The following ABHD18 variants were observed in gnomAD, a reference collection of about 807,000 sequenced individuals.
The protein encoded by ABHD18 is abhydrolase domain containing 18.
ABHD18 carries 55 observed loss-of-function variants against 65.9 expected under a neutral mutation model. The ratio of observed to expected loss-of-function variants is 0.84; its 90% confidence interval spans 0.67 to 1.05. ABHD18 has a LOEUF of 1.05. Ranked by LOEUF, ABHD18 falls within the 50% of genes least tolerant of loss-of-function variation. The pLI, the probability that ABHD18 is intolerant of heterozygous loss-of-function variation, is 0.00. For missense variants in ABHD18, 533 were observed against 558.5 expected (o/e 0.95, Z 0.46); for synonymous variants, 181 against 180.2 (o/e 1.00, Z -0.04).
intron 3 of ABHD18, among the ~76,000 whole-genome samples, chr4:127,985,826 AC>A (rs1166719632): frequency 2.0e-5 from 3 of 151,924 alleles, no homozygotes; most frequent in Admixed American, 6.6e-5. Flanking sequence ...ACATGGTGAA[AC>A]CCCATCTCTA....
intron 12 of ABHD18, 55 bp from the exon 13 acceptor site, chr4:128,035,707 T>C (rs978605317): frequency 2.8e-6 from 3 of 1,053,486 alleles, no homozygotes; most frequent in Non-Finnish European, 4.2e-6. Flanking sequence ...AAAGGCATTG[T>C]TTGTCCCCCC....
chr4:127,982,439 T>A (rs376196984), intron 1 of ABHD18, among the ~76,000 whole-genome samples: 17 of 152,184 alleles, frequency 1.1e-4, no homozygotes, highest in East Asian at 3.8e-4. Flanking sequence ...TGTTGAGCTG[T>A]GTACCTGGGA....
chr4:127,973,138 C>G (rs1042056974), intron 1 of ABHD18, among the ~76,000 whole-genome samples: 21 of 151,962 alleles, frequency 1.4e-4, no homozygotes, highest in African/African-American at 5.1e-4. Flanking sequence ...CTCAGCCTCC[C>G]GAGTAGGTGG....
chr4:128,013,560 T>C (rs1754942791), intron 7 of ABHD18, among the ~76,000 whole-genome samples: 1 of 152,008 alleles, frequency 6.6e-6, no homozygotes, highest in South Asian at 2.1e-4. Context: ...AATCCGGGCG[T>C]GGTGGTGGGC....
At chr4:127,999,681 A>G (rs865944052) in intron 4 of ABHD18, among the ~76,000 whole-genome samples, 3 of 152,042 alleles carry the variant, frequency 2.0e-5, no homozygotes, top group African/African-American at 7.2e-5. Flanking sequence ...TAGATTCCGG[A>G]TATTAGACCT....
intron 4 of ABHD18, among the ~76,000 whole-genome samples, chr4:128,003,182 T>A (rs1199525863): frequency 6.6e-6 from 1 of 151,352 alleles, no homozygotes; most frequent in East Asian, 2.0e-4. Flanking sequence ...GCCTGGCCAA[T>A]ATGGTGAAAC....
chr4:128,011,787 C>T, intron 7 of ABHD18, 87 bp downstream of exon 7: 2 of 781,478 alleles, frequency 2.6e-6, no homozygotes, highest in Non-Finnish European at 1.9e-6. Context: ...TTAACCATTT[C>T]TAAATTGAAT....
At position 127,965,489 on chromosome 4, in the gene ABHD18, A is replaced by G. The variant is rs1489684790; in HGVS notation, c.-135A>G. The G allele has an allele frequency of 1.0e-5, 4 of 395,914 alleles. No individual in the cohort carries two copies. The highest frequency in any genetic ancestry group is 7.7e-5 in the Admixed American group (2 of 25,902). The allele number at this position is 395,914 out of a possible 1,614,324, so 24.5% of individuals were successfully genotyped here. On this transcript the variant is annotated 5_prime_UTR_variant, in exon 1 of 13. Coordinates refer to ENST00000645843, the MANE Select transcript of ABHD18 (RefSeq NM_001358451.3). ...GTATCTAGCATTTCGGTTCCTGGAA[A>G]GGTTACCGGAGCTGCGATTGGGGCT...
intron 4 of ABHD18, among the ~76,000 whole-genome samples, chr4:128,000,824 A>G (rs1752525532): frequency 6.6e-6 from 1 of 152,134 alleles, no homozygotes; most frequent in Non-Finnish European, 1.5e-5. Flanking sequence ...AGTGTTTTGT[A>G]ATTCTCATTG....
chr4:128,011,362 A>T (rs950136063), intron 6 of ABHD18, among the ~76,000 whole-genome samples: 1 of 151,788 alleles, frequency 6.6e-6, no homozygotes, highest in Admixed American at 6.6e-5. Context: ...GTTAGCCAGG[A>T]TGGTCTCGAT....
intron 7 of ABHD18, among the ~76,000 whole-genome samples, chr4:128,014,127 GCA>G (rs1755070139): frequency 6.6e-6 from 1 of 151,930 alleles, no homozygotes; most frequent in Non-Finnish European, 1.5e-5. Flanking sequence ...GGGATTACAG[GCA>G]TGCGCCACCA....
At chr4:127,991,178 TGTTTTGTTTTGTTTC>T (rs1271496809) in intron 4 of ABHD18, among the ~76,000 whole-genome samples, 1 of 151,894 alleles carries the variant, frequency 6.6e-6, no homozygotes, top group Non-Finnish European at 1.5e-5. Flanking sequence ...TAATGATTTG[TGTTTTGTTTTGTTTC>T]GTTTTGTTTT....
chr4:128,019,137 TCACCTGGATTA>T (rs1037951601), intron 8 of ABHD18, among the ~76,000 whole-genome samples: 4 of 152,170 alleles, frequency 2.6e-5, no homozygotes, highest in African/African-American at 9.7e-5. Flanking sequence ...CTTATAACTT[TCACCTGGATTA>T]CTGCCTATTA....
intron 1 of ABHD18, among the ~76,000 whole-genome samples, chr4:127,968,018 G>A (rs1375539881): frequency 6.6e-6 from 1 of 152,080 alleles, no homozygotes; most frequent in Non-Finnish European, 1.5e-5. Context: ...TCAGGAGGTC[G>A]AGACCACGGT....
rs184983609 is a variant in ABHD18, at chr4:128,027,429, G to A, written c.802-1046G>A. On this transcript the variant is annotated intron_variant, in intron 10 of 12. Coordinates refer to ENST00000645843, the MANE Select transcript of ABHD18 (RefSeq NM_001358451.3). ...ATTTTTTTCTTTTTTTTTTTGAGAC[G>A]GAGTCTCACTCTGTCGCCCAGGCTG... Among the ~76,000 whole-genome samples, 768 of 149,226 alleles carry A rather than the reference G, an allele frequency of 5.1e-3. 11 individuals are homozygous for A. The highest frequency in any genetic ancestry group is 0.018 in the African/African-American group (733 of 40,550).
In ABHD18 at chr4:128,037,944, T is replaced by TGAAG. The variant is rs1759030227; in HGVS notation, c.*2132_*2135dup. The TGAAG allele has an allele frequency of 6.6e-6, 1 of 152,188 alleles. No homozygotes were observed. The highest frequency in any genetic ancestry group is 2.1e-4 in the South Asian group (1 of 4,832). 9.4% of individuals were successfully genotyped at this position (152,188 alleles called of 1,614,324 possible). A position where few individuals can be genotyped will look rare whatever the true frequency, so the allele number is the denominator to read the frequency against. On this transcript the variant is annotated 3_prime_UTR_variant, in exon 13 of 13. Coordinates refer to ENST00000645843, the MANE Select transcript of ABHD18 (RefSeq NM_001358451.3). Reference sequence around the variant, plus strand: ...GTCGAAAATATTTTAGGGTATTGTGTGAAGTTTTACAGTAGGTATTTTTGA... The same window carrying TGAAG: ...GTCGAAAATATTTTAGGGTATTGTGTGAAGGAAGTTTTACAGTAGGTATTTTTGA...
At chr4:128,010,659 A>C (rs1754370910) in intron 6 of ABHD18, among the ~76,000 whole-genome samples, 1 of 152,116 alleles carries the variant, frequency 6.6e-6, no homozygotes, top group African/African-American at 2.4e-5. Flanking sequence ...ACGCCCTGTA[A>C]TCCCAACACT....
intron 6 of ABHD18, among the ~76,000 whole-genome samples, chr4:128,011,459 T>C (rs1754548752): frequency 6.7e-6 from 1 of 150,292 alleles, no homozygotes; most frequent in South Asian, 2.1e-4. Flanking sequence ...ATGTGATATA[T>C]GATTATATCA....
intron 12 of ABHD18, 76 bp downstream of exon 12, chr4:128,030,748 A>C: frequency 6.6e-7 from 1 of 1,518,488 alleles, no homozygotes; most frequent in Non-Finnish European, 8.8e-7. Flanking sequence ...ACAAATGTAA[A>C]AGATCACATA....
Sources: allele counts gnomAD v4.1 joint callset (sites outside exome capture counted in the v4.1 genomes callset), GRCh38; gene constraint gnomAD v4.1.1; transcripts MANE v1.5; gene names NCBI Gene and HGNC (gene_info 2026-07-23, HGNC 2026-07-21).